Variants in MYO3A observed in about 807,000 individuals in gnomAD.
MYO3A encodes myosin IIIA, also known as myosin-IIIa.
A neutral mutation model predicts 192.7 loss-of-function variants in MYO3A; 180 were observed. The ratio of observed to expected loss-of-function variants is 0.93; its 90% CI spans 0.83 to 1.06. The LOEUF is 1.06. MYO3A is among the 50% of genes least tolerant of loss of function. The pLI is 0.00. For missense variants in MYO3A, 1,896 were observed against 1,905.0 expected (o/e 1.00, Z 0.09); for synonymous variants, 628 against 645.3 (o/e 0.97, Z 0.41).
At chr10:25,975,870 C>A (rs547807809) in intron 4 of MYO3A, among the ~76,000 whole-genome samples, 9 of 152,080 alleles carry the variant, frequency 5.9e-5, no homozygotes, top group Non-Finnish European at 1.0e-4. Context: ...AATTCAATAC[C>A]CATATGTGAT....
At chr10:26,021,245 C>A (rs147399440) in intron 7 of MYO3A, among the ~76,000 whole-genome samples, 1 of 152,226 alleles carries the variant, frequency 6.6e-6, no homozygotes, top group South Asian at 2.1e-4. Context: ...TCTTTTTGTT[C>A]CATATTTTCA....
chr10:26,110,409 T>A (rs992226023), intron 17 of MYO3A, among the ~76,000 whole-genome samples: 5 of 152,210 alleles, frequency 3.3e-5, no homozygotes, highest in African/African-American at 1.2e-4. Context: ...GGAGAAGCTT[T>A]CACACTTTGC....
rs560124645 is a variant in MYO3A at position 26,183,759 on chromosome 10, T to C, written c.4438+6914T>C. Among the ~76,000 whole-genome samples the C allele has an allele frequency of 9.9e-5, 15 of 152,114 alleles. No individual in the cohort carries two copies. The East Asian group carries it at 2.9e-3, about 30-fold the overall frequency. ...TGGGGCTGGGGGTGGCAGTTGCCTC[T>C]TGAGAAGGTCAGAGAAGACTGCGAG... is the stretch of plus-strand genomic sequence containing the variant. On this transcript the variant is annotated intron_variant, in intron 31 of 34. Transcript: ENST00000642920.
intron 17 of MYO3A, among the ~76,000 whole-genome samples, chr10:26,120,324 C>T (rs752601857): frequency 5.3e-5 from 8 of 152,182 alleles, no homozygotes; most frequent in Non-Finnish European, 1.0e-4. Context: ...AACAACCACA[C>T]TAAGTTCTGA....
chr10:25,994,111 G>T (rs554399075), intron 4 of MYO3A, among the ~76,000 whole-genome samples: 2 of 152,122 alleles, frequency 1.3e-5, no homozygotes, highest in South Asian at 2.1e-4. Flanking sequence ...TTGACAGTGG[G>T]GTGTTAAAGT....
chr10:26,206,954 T>C (rs1259609087), intron 34 of MYO3A, among the ~76,000 whole-genome samples: 7 of 152,222 alleles, frequency 4.6e-5, no homozygotes, highest in South Asian at 4.1e-4. Context: ...ATTAGTGATA[T>C]TGAACATTTT....
intron 4 of MYO3A, among the ~76,000 whole-genome samples, chr10:25,987,390 G>T (rs753644268): frequency 6.6e-6 from 1 of 152,090 alleles, no homozygotes; most frequent in South Asian, 2.1e-4. Flanking sequence ...AAGCTTCTGC[G>T]CAGCAAAAGA....
In MYO3A at chr10:26,205,888, G is replaced by T. The variant is rs192429162; in HGVS notation, c.4730+2781G>T. On this transcript the variant is annotated intron_variant, in intron 34 of 34. Coordinates refer to ENST00000642920, the MANE Select transcript of MYO3A (RefSeq NM_017433.5). ...CCCTCCTCGGCCTCCCAAAATGCTG[G>T]GATTACAGGCGTGAGCCACCGTGCC... Among the ~76,000 whole-genome samples the T allele has an allele frequency of 2.4e-3, 368 of 151,258 alleles. 3 individuals are homozygous for T. Among genetic ancestry groups the T allele is most frequent in the African/African-American group, 8.5e-3 (351 of 41,188 alleles).
intron 8 of MYO3A, chr10:26,023,552 C>T: frequency 6.2e-6 from 1 of 160,928 alleles, no homozygotes. Flanking sequence ...TGCCGTGTGT[C>T]CAGTAACAAC....
chr10:26,110,220 C>T (rs560105729), intron 17 of MYO3A, among the ~76,000 whole-genome samples: 7 of 152,292 alleles, frequency 4.6e-5, no homozygotes, highest in African/African-American at 1.7e-4. Context: ...ATTGACAAGT[C>T]AGGCTGTCCA....
chr10:26,125,458 T>A lies in MYO3A; in HGVS notation c.1964T>A (p.Val655Glu), dbSNP rs1191038165. The A allele has an allele frequency of 6.2e-7, 1 of 1,613,976 alleles. No individual in the cohort carries two copies. The highest frequency in any genetic ancestry group is 2.2e-5 in the East Asian group (1 of 44,876). The change falls in exon 19 of 35, where the codon GTG becomes GAG. Residue 655 changes from valine to glutamate, a missense_variant. Coordinates refer to ENST00000642920, the MANE Select transcript of MYO3A (RefSeq NM_017433.5). Reference sequence around the variant, plus strand: ...CAAGAAGCTCTCACCTCCCACTGTGTGGTCACTAGAGGAGAAACAATTATA... The same window carrying A: ...CAAGAAGCTCTCACCTCCCACTGTGAGGTCACTAGAGGAGAAACAATTATA... The part of the protein sequence containing the change: ...ELQEALTSHC[V>E]VTRGETIIRP...
chr10:26,161,550 C>T (rs919173370), intron 26 of MYO3A, among the ~76,000 whole-genome samples: 1 of 152,092 alleles, frequency 6.6e-6, no homozygotes, highest in South Asian at 2.1e-4. Flanking sequence ...TCAGCAAACC[C>T]GGGTTTGAAT....
chr10:26,170,423 A>G lies in MYO3A; in HGVS notation c.3282A>G (p.Arg1094=). 1.2e-6 allele frequency: 2 copies of G among 1,613,478 alleles called. No homozygotes were observed. Among genetic ancestry groups the G allele is most frequent in the Non-Finnish European group, 1.7e-6 (2 of 1,179,614 alleles). The change falls in exon 29 of 35, where the codon AGA becomes AGG. Residue 1094 remains arginine, a synonymous_variant. Coordinates refer to ENST00000642920, the MANE Select transcript of MYO3A (RefSeq NM_017433.5). ...ESAIIIQSAA[R]GHLVRKQRKE... ...GGGCTTTCTGTGTTTCAGCTGCAAG[A>G]GGACACCTTGTCAGGAAACAAAGAA...
intron 6 of MYO3A, among the ~76,000 whole-genome samples, chr10:26,011,258 G>A (rs923704936): frequency 6.6e-6 from 1 of 152,036 alleles, no homozygotes; most frequent in Non-Finnish European, 1.5e-5. Flanking sequence ...ATGAAACCCT[G>A]TCTCTACTAA....
intron 31 of MYO3A, among the ~76,000 whole-genome samples, chr10:26,178,844 C>T (rs1003875865): frequency 5.9e-5 from 9 of 151,662 alleles, no homozygotes; most frequent in Non-Finnish European, 1.5e-5. Context: ...CTCTGTCACC[C>T]AGGCTGTAGT....
At chr10:25,992,101 G>T (rs1439315295) in intron 4 of MYO3A, among the ~76,000 whole-genome samples, 1 of 151,486 alleles carries the variant, frequency 6.6e-6, no homozygotes, top group Non-Finnish European at 1.5e-5. Flanking sequence ...AAATTACCTT[G>T]GGCAGTATGG....
intron 10 of MYO3A, among the ~76,000 whole-genome samples, chr10:26,051,603 CATT>C (rs886276822): frequency 6.8e-5 from 10 of 147,690 alleles, no homozygotes; most frequent in African/African-American, 2.5e-4. Flanking sequence ...ATATATAAAA[CATT>C]ATATATTAAA....
At chr10:26,065,880 G>T (rs1834806492) in intron 10 of MYO3A, among the ~76,000 whole-genome samples, 1 of 43,480 alleles carries the variant, frequency 2.3e-5, no homozygotes. Flanking sequence ...CACTTTGGGA[G>T]GCCGAGACGG....
intron 4 of MYO3A, among the ~76,000 whole-genome samples, chr10:25,957,586 T>C (rs1389713711): frequency 6.6e-6 from 1 of 152,186 alleles, no homozygotes; most frequent in Non-Finnish European, 1.5e-5. Flanking sequence ...ACAATTTCTA[T>C]TCCTTTGGGT....
Sources: allele counts gnomAD v4.1 joint callset (sites outside exome capture counted in the v4.1 genomes callset), GRCh38; gene constraint gnomAD v4.1.1; transcripts MANE v1.5; gene names NCBI Gene and HGNC (gene_info 2026-07-23, HGNC 2026-07-21).